Variants in HHLA2 observed in about 807,000 individuals in gnomAD.
HHLA2 encodes HERV-H LTR-associating protein 2.
In HHLA2, 48 loss-of-function variants were observed where a neutral mutation model predicts 45.9. The observed-to-expected ratio is 1.05, with a 90% CI of 0.83 to 1.33. The LOEUF (loss-of-function observed/expected upper bound fraction) is 1.33, where lower values mean the gene tolerates loss of function less well. HHLA2 is among the 40% of genes most tolerant of loss of function. The pLI, the probability that HHLA2 is intolerant of heterozygous loss-of-function variation, is 0.00. For missense variants in HHLA2, 462 were observed against 494.3 expected (o/e 0.93, Z 0.62); for synonymous variants, 161 against 173.9 (o/e 0.93, Z 0.59).
At chr3:108,319,112 C>A (rs1370504418) in intron 2 of HHLA2, among the ~76,000 whole-genome samples, 1 of 152,088 alleles carries the variant, frequency 6.6e-6, no homozygotes, top group Non-Finnish European at 1.5e-5. Flanking sequence ...ATTTATGGTA[C>A]CTTAGGAACA....
chr3:108,355,237 G>C, exon 6 of HHLA2: 1 of 1,613,856 alleles, frequency 6.2e-7, no homozygotes, highest in Non-Finnish European at 8.5e-7. Context: ...ACCTATCTCT[G>C]AAAACAACAT....
At chr3:108,353,739 C>A (rs748243757) in exon 5 of HHLA2, 7 of 1,612,710 alleles carry the variant, frequency 4.3e-6, no homozygotes, top group Non-Finnish European at 5.9e-6. Context: ...GTAGGAACAG[C>A]AATTCAAGTG....
intron 2 of HHLA2, among the ~76,000 whole-genome samples, chr3:108,314,341 T>TAAA (rs35811968): frequency 1.8e-4 from 27 of 146,290 alleles, no homozygotes; most frequent in South Asian, 6.6e-4. Flanking sequence ...TACTGTCTCT[T>TAAA]AAAAAAAAAA....
chr3:108,301,792 A>G (rs1362774403), intron 1 of HHLA2, among the ~76,000 whole-genome samples: 1 of 152,100 alleles, frequency 6.6e-6, no homozygotes, highest in Non-Finnish European at 1.5e-5. Context: ...ACCAAGCAGC[A>G]TGCTTTACTT....
chr3:108,359,200 A>G (rs2081948382), intron 7 of HHLA2, among the ~76,000 whole-genome samples: 1 of 152,184 alleles, frequency 6.6e-6, no homozygotes, highest in Non-Finnish European at 1.5e-5. Context: ...ATAGTCAAGA[A>G]GAAATGTCCT....
chr3:108,337,012 G>T lies in HHLA2; in HGVS notation c.-27+8665G>T, dbSNP rs80003574. Among the ~76,000 whole-genome samples, 8 of 152,132 alleles carry T rather than the reference G, an allele frequency of 5.3e-5. No homozygotes were observed. The East Asian group carries it at 1.5e-3, about 29-fold the overall frequency. ...TGGTGGTGGTAAATTATGCCTTTTG[G>T]ACCAGAGGTTGAAGCGGATTTGAGG... On this transcript the variant is annotated intron_variant, in intron 3 of 10. Transcript: ENST00000619531.
chr3:108,340,008 C>T lies in HHLA2; in HGVS notation c.-27+11661C>T, dbSNP rs958308606. On this transcript the variant is annotated intron_variant, in intron 3 of 10. Transcript: ENST00000619531. ...GATGTGGCCCCAAATAAGACTTGGA[C>T]GGTAAAGGTAGATGGGAATTAGGAT... Among the ~76,000 whole-genome samples the T allele has an allele frequency of 5.9e-5, 9 of 151,964 alleles. No individual in the cohort carries two copies. In the South Asian group the frequency reaches 6.2e-4, roughly 11 times the overall value.
At chr3:108,355,485 A>C in intron 6 of HHLA2, 104 bp downstream of exon 5, 1 of 1,339,542 alleles carries the variant, frequency 7.5e-7, no homozygotes, top group Non-Finnish European at 1.0e-6. Flanking sequence ...AAAGAAAGCA[A>C]ATCCATCTGC....
chr3:108,362,352 A>C, exon 8 of HHLA2: 2 of 1,610,754 alleles, frequency 1.2e-6, no homozygotes, highest in African/African-American at 2.7e-5. Context: ...AACCGAGCCA[A>C]GAAACAGCTT....
At chr3:108,357,866 T>G in exon 7 of HHLA2, 1 of 1,608,764 alleles carries the variant, frequency 6.2e-7, no homozygotes, top group Non-Finnish European at 8.5e-7. Flanking sequence ...AAATGCAAAG[T>G]GAACACGTTT....
intron 8 of HHLA2, among the ~76,000 whole-genome samples, chr3:108,366,776 C>T (rs933329026): frequency 6.6e-6 from 1 of 152,198 alleles, no homozygotes; most frequent in Non-Finnish European, 1.5e-5. Flanking sequence ...TTATAGTATT[C>T]TCTAATAGTA....
chr3:108,353,131 G>C (rs1171617171), intron 4 of HHLA2, among the ~76,000 whole-genome samples: 1 of 152,194 alleles, frequency 6.6e-6, no homozygotes, highest in Non-Finnish European at 1.5e-5. Context: ...TCCAGGCCAG[G>C]ATTGGAAGAG....
intron 2 of HHLA2, chr3:108,326,160 G>A (rs574577268): frequency 8.4e-6 from 2 of 237,436 alleles, no homozygotes; most frequent in African/African-American, 4.7e-5. Flanking sequence ...TGGTTACCTG[G>A]TCTCTGAAGT....
intron 2 of HHLA2, chr3:108,326,009 G>A (rs2081282991): frequency 9.4e-6 from 3 of 317,722 alleles, no homozygotes; most frequent in Non-Finnish European, 1.8e-5. Context: ...AGTTATGAAA[G>A]CAAAGCCCCT....
chr3:108,356,208 T>C (rs892191242), intron 6 of HHLA2, among the ~76,000 whole-genome samples: 2 of 152,082 alleles, frequency 1.3e-5, no homozygotes, highest in African/African-American at 4.8e-5. Flanking sequence ...TTTTGTATTT[T>C]TTTAGTAGAG....
intron 2 of HHLA2, among the ~76,000 whole-genome samples, chr3:108,316,859 A>G (rs2081111923): frequency 6.6e-6 from 1 of 152,206 alleles, no homozygotes; most frequent in South Asian, 2.1e-4. Context: ...TAACTGGTCC[A>G]TGAAATCCAA....
intron 3 of HHLA2, among the ~76,000 whole-genome samples, chr3:108,334,848 C>T (rs1357715436): frequency 6.6e-6 from 1 of 152,164 alleles, no homozygotes; most frequent in African/African-American, 2.4e-5. Flanking sequence ...AATGGCAGAT[C>T]TGCCCATCAG....
chr3:108,310,971 C>A (rs2081008979), intron 2 of HHLA2, among the ~76,000 whole-genome samples: 1 of 152,118 alleles, frequency 6.6e-6, no homozygotes, highest in South Asian at 2.1e-4. Flanking sequence ...ACTTATAGAC[C>A]TTCCATGTTG....
chr3:108,317,886 A>G (rs1201348260), intron 2 of HHLA2, among the ~76,000 whole-genome samples: 1 of 151,932 alleles, frequency 6.6e-6, no homozygotes, highest in Non-Finnish European at 1.5e-5. Flanking sequence ...GAGATTACTT[A>G]TTAAAGAAAA....
Sources: allele counts gnomAD v4.1 joint callset (sites outside exome capture counted in the v4.1 genomes callset), GRCh38; gene constraint gnomAD v4.1.1; transcripts MANE v1.5; gene names NCBI Gene and HGNC (gene_info 2026-07-23, HGNC 2026-07-21).